The following COL5A1 variants were observed in gnomAD, a reference collection of about 807,000 sequenced individuals.
COL5A1 encodes the protein collagen alpha-1(V) chain.
A neutral mutation model predicts 263.7 loss-of-function variants in COL5A1; 16 were observed. The observed-to-expected ratio is 0.06, with a 90% CI of 0.04 to 0.09. COL5A1 has a LOEUF of 0.09. Ranked by LOEUF, COL5A1 falls within the 10% of genes least tolerant of loss-of-function variation. The pLI is 1.00. For synonymous variants in COL5A1, 1,012 were observed against 1,004.5 expected (o/e 1.01, Z -0.14); for missense variants, 2,036 against 2,540.5 (o/e 0.80, Z 4.27).
At chr9:134,777,774 G>A (rs1298279510) in intron 27 of COL5A1, among the ~76,000 whole-genome samples, 2 of 152,168 alleles carry the variant, frequency 1.3e-5, no homozygotes, top group Non-Finnish European at 2.9e-5. Context: ...ATGCCCCCGG[G>A]TGCTGTGCCA....
intron 58 of COL5A1, among the ~76,000 whole-genome samples, chr9:134,820,605 G>A (rs909160214): frequency 6.6e-6 from 1 of 152,150 alleles, no homozygotes; most frequent in South Asian, 2.1e-4. Context: ...CCAGAGCTGC[G>A]GGCAGAGTGG....
intron 62 of COL5A1, 87 bp from the exon 63 acceptor site, chr9:134,825,705 G>C (rs1839237273): frequency 2.4e-6 from 2 of 843,204 alleles, no homozygotes; most frequent in Admixed American, 1.9e-5. Flanking sequence ...TTAACTGCTG[G>C]ACTGAAATGT....
chr9:134,669,798 G>A (rs1832487010), intron 1 of COL5A1, among the ~76,000 whole-genome samples: 1 of 152,142 alleles, frequency 6.6e-6, no homozygotes, highest in Non-Finnish European at 1.5e-5. Flanking sequence ...GGAGAAGTGA[G>A]GAGAGCATTC....
intron 9 of COL5A1, among the ~76,000 whole-genome samples, chr9:134,733,292 A>G (rs1326668555): frequency 6.6e-6 from 1 of 152,218 alleles, no homozygotes; most frequent in Admixed American, 6.5e-5. Context: ...TACCCCTGGA[A>G]TCTCTTTGAA....
intron 65 of COL5A1, among the ~76,000 whole-genome samples, chr9:134,839,756 C>G (rs184135912): frequency 2.0e-5 from 3 of 152,220 alleles, no homozygotes; most frequent in African/African-American, 7.2e-5. Flanking sequence ...TTGGTACCCT[C>G]AGGGTTCACC....
At chr9:134,746,787 A>C (rs1022764672) in intron 11 of COL5A1, among the ~76,000 whole-genome samples, 8 of 152,258 alleles carry the variant, frequency 5.3e-5, no homozygotes, top group African/African-American at 1.9e-4. Context: ...AGCAAAGGCA[A>C]GGTGGGATTT....
intron 19 of COL5A1, 93 bp downstream of exon 19, chr9:134,762,071 G>A (rs1381073063): frequency 7.3e-7 from 1 of 1,362,514 alleles, no homozygotes; most frequent in Admixed American, 1.7e-5. Flanking sequence ...CCAGGTGTGG[G>A]ATTGGCCTGC....
At position 134,665,790 on chromosome 9, in the gene COL5A1, T is replaced by G. The variant is rs965816418; in HGVS notation, c.109+23494T>G. 6.6e-5 allele frequency among the ~76,000 whole-genome samples: 10 copies of G among 152,220 alleles called. No individual in the cohort carries two copies. In the East Asian group the frequency reaches 1.5e-3, roughly 24 times the overall value. ...CTTAGTCAATTAAAACAACTTGTGG[T>G]CTTAAAAAATAAAAAGGCCAGGCAT... On this transcript the variant is annotated intron_variant, in intron 1 of 65. Coordinates refer to ENST00000371817, the MANE Select transcript of COL5A1 (RefSeq NM_000093.5).
At chr9:134,748,197 C>T (rs1835637653) in intron 11 of COL5A1, among the ~76,000 whole-genome samples, 1 of 151,244 alleles carries the variant, frequency 6.6e-6, no homozygotes, top group African/African-American at 2.4e-5. Context: ...TACATTCACA[C>T]ACATGCACAC....
chr9:134,812,628 C>G lies in COL5A1; in HGVS notation c.3768C>G (p.Pro1256=). ...GQMGPPGPPG[P]RGPSGAPGAD... is the part of the protein sequence containing the mutation. ...AGGGCCCCCCGGGTCCCCCTGGCCC[C>G]CGAGGACCCTCCGGAGCTCCAGGTG... The change falls in exon 48 of 66, where the codon CCC becomes CCG. Residue 1256 remains proline, a synonymous_variant. Coordinates refer to ENST00000371817, the MANE Select transcript of COL5A1 (RefSeq NM_000093.5). The G allele has an allele frequency of 6.2e-7, 1 of 1,603,778 alleles. No individual in the cohort carries two copies. Among genetic ancestry groups the G allele is most frequent in the Middle Eastern group, 1.7e-4 (1 of 6,046 alleles).
chr9:134,728,003 C>T (rs1834723308), intron 5 of COL5A1, among the ~76,000 whole-genome samples: 1 of 152,234 alleles, frequency 6.6e-6, no homozygotes, highest in Non-Finnish European at 1.5e-5. Flanking sequence ...ACTCCCTGGG[C>T]CCACTGCCTC....
Position 134,727,356 on chromosome 9 carries a change from C to G in COL5A1, c.745C>G (p.Pro249Ala), listed in dbSNP as rs775083074. ...HYSPDCDTAV[P>A]DTPQSQDPNP... Reference sequence around the variant, plus strand: ...CAGCCCTGACTGTGACACCGCAGTACCTGACACCCCACAGTCGCAGGACCC... The same window carrying G: ...CAGCCCTGACTGTGACACCGCAGTAGCTGACACCCCACAGTCGCAGGACCC... Residue 249 changes from proline to alanine, a missense_variant, in exon 5 of 66, where the codon CCT becomes GCT. This residue lies in a region of COL5A1 where 600 missense variants were observed against 634.5 expected (regional missense o/e 0.95). Transcript: ENST00000371817. 2 of 1,613,952 alleles carry G rather than the reference C, an allele frequency of 1.2e-6. No homozygotes were observed. The highest frequency in any genetic ancestry group is 1.7e-6 in the Non-Finnish European group (2 of 1,179,946).
intron 28 of COL5A1, among the ~76,000 whole-genome samples, chr9:134,780,500 G>T (rs1324570694): frequency 1.3e-5 from 2 of 151,766 alleles, no homozygotes; most frequent in East Asian, 3.9e-4. Context: ...TCCCAGGTGG[G>T]CCGCCTTGCA....
chr9:134,756,970 G>C, intron 17 of COL5A1, 152 bp downstream of exon 17: 1 of 805,730 alleles, frequency 1.2e-6, no homozygotes, highest in South Asian at 1.4e-5. Context: ...TAGGGTTGGT[G>C]GGTGAATTTC....
In COL5A1 at chr9:134,842,680, T is replaced by C; in HGVS notation, c.*377T>C. On this transcript the variant is annotated 3_prime_UTR_variant, in exon 66 of 66. Transcript: ENST00000371817. The surrounding 1 kb of genome is among the most constrained non-coding windows in gnomAD (Gnocchi z 5.8). ...GGGACTGCCAGATTTGGACACTATATTTTTTTCTAAATTCAACTTGAAGAT... is the reference window on the plus strand; with the variant it reads ...GGGACTGCCAGATTTGGACACTATACTTTTTTCTAAATTCAACTTGAAGAT... 1 of 307,772 alleles carries C rather than the reference T, an allele frequency of 3.2e-6. No individual in the cohort carries two copies. The highest frequency in any genetic ancestry group is 4.8e-5 in the South Asian group (1 of 20,650). 19.1% of individuals were successfully genotyped at this position (307,772 alleles called of 1,614,324 possible).
chr9:134,727,729 C>G (rs945681925), intron 5 of COL5A1, among the ~76,000 whole-genome samples: 2 of 152,206 alleles, frequency 1.3e-5, no homozygotes, highest in Non-Finnish European at 2.9e-5. Context: ...CCCCCATGGA[C>G]TCGATCCACT....
intron 4 of COL5A1, among the ~76,000 whole-genome samples, chr9:134,717,361 A>C (rs930539275): frequency 7.3e-5 from 11 of 151,360 alleles, no homozygotes; most frequent in Non-Finnish European, 1.6e-4. Flanking sequence ...CCAGGGCCAG[A>C]CTCCACCCTC....
At position 134,682,692 on chromosome 9, in the gene COL5A1, G is replaced by A. The variant is rs190029183; in HGVS notation, c.110-8220G>A. On this transcript the variant is annotated intron_variant, in intron 1 of 65. Transcript: ENST00000371817. This position sits in a 1 kb window ranked among gnomAD's most constrained non-coding sequence, Gnocchi z 5.1. ...CTCCGGCTCAGGGGGGCACCGGGAC[G>A]GGGGAGCTGAGGAAAAGTCACCCCC... 4.6e-5 allele frequency among the ~76,000 whole-genome samples: 7 copies of A among 152,114 alleles called. No individual in the cohort carries two copies. Among genetic ancestry groups the A allele is most frequent in the African/African-American group, 1.7e-4 (7 of 41,422 alleles).
intron 4 of COL5A1, among the ~76,000 whole-genome samples, chr9:134,723,059 C>T (rs368591281): frequency 3.3e-4 from 50 of 152,318 alleles, no homozygotes; most frequent in Admixed American, 8.5e-4. Flanking sequence ...TCCCCGTCCC[C>T]GTGCTCTGTC....
Sources: gnomAD v4.1 joint callset for allele counts (sites outside exome capture counted in the v4.1 genomes callset) on GRCh38, gnomAD v4.1.1 for gene constraint, gnomAD v4.1.1 regional missense constraint, Gnocchi (gnomAD v3.1) non-coding constraint, MANE v1.5 for transcripts, NCBI Gene and HGNC (gene_info 2026-07-23, HGNC 2026-07-21) for gene names.